EPB41: variants seen among roughly 807,000 people sequenced by gnomAD.
EPB41 encodes protein 4.1.
Under a neutral mutation model 108.0 loss-of-function variants are expected in EPB41, and 65 were observed. The observed-to-expected ratio is 0.60, with a 90% CI of 0.49 to 0.74. The LOEUF (loss-of-function observed/expected upper bound fraction) is 0.74. Ranked by LOEUF, EPB41 falls within the 30% of genes least tolerant of loss-of-function variation. The pLI is 0.00. For missense variants in EPB41, 875 were observed against 1,037.0 expected, an observed-to-expected ratio of 0.84 and a Z score of 2.15; for synonymous variants, 336 against 358.9, an observed-to-expected ratio of 0.94 and a Z score of 0.72.
intron 7 of EPB41, among the ~76,000 whole-genome samples, chr1:29,021,521 A>G (rs530154290): frequency 6.6e-6 from 1 of 152,240 alleles, no homozygotes; most frequent in Non-Finnish European, 1.5e-5. Flanking sequence ...CTGAAGCACA[A>G]CAGTTGTCTC....
chr1:29,116,152 T>C (rs1343978473), intron 20 of EPB41, among the ~76,000 whole-genome samples: 7 of 144,326 alleles, frequency 4.9e-5, no homozygotes, highest in African/African-American at 1.8e-4. Context: ...AGGTCTCTCT[T>C]TTTTTTTTTT....
chr1:29,056,164 G>A (rs1182089691), intron 12 of EPB41, among the ~76,000 whole-genome samples: 1 of 151,018 alleles, frequency 6.6e-6, no homozygotes, highest in African/African-American at 2.4e-5. Flanking sequence ...AACCCGGGAG[G>A]CGGAGCTTGC....
rs564313202 is a variant in EPB41, at chr1:29,095,771, C to CA, written c.2185-2023dup. ...TGGGTGACAGAGTGAGACCCTGTCT[C>CA]AAAAAAAAAAAAAGAATATATTTTG... On this transcript the variant is annotated intron_variant, in intron 16 of 20. Transcript: ENST00000343067. Among the ~76,000 whole-genome samples the CA allele has an allele frequency of 4.2e-3, 524 of 126,022 alleles. 3 individuals carry two copies. Among genetic ancestry groups the CA allele is most frequent in the Middle Eastern group, 0.026 (6 of 228 alleles). The allele number at this position is 126,022 out of a possible 152,430, so 82.7% of individuals were successfully genotyped here.
intron 16 of EPB41, among the ~76,000 whole-genome samples, chr1:29,088,426 C>G (rs554056990): frequency 6.6e-6 from 1 of 152,272 alleles, no homozygotes; most frequent in East Asian, 1.9e-4. Context: ...CATTAAGTCT[C>G]AGCTTTGCCT....
intron 1 of EPB41, among the ~76,000 whole-genome samples, chr1:28,951,580 G>A (rs1415638476): frequency 2.0e-5 from 3 of 152,190 alleles, no homozygotes; most frequent in Non-Finnish European, 4.4e-5. Context: ...CAGGCTGGGC[G>A]TGGTGGCTCA....
chr1:29,107,922 A>G (rs1334922943), intron 17 of EPB41, among the ~76,000 whole-genome samples: 2 of 140,882 alleles, frequency 1.4e-5, no homozygotes, highest in African/African-American at 2.7e-5. Context: ...CCAGCTACTC[A>G]GGAGGCTGAG....
chr1:28,946,665 C>G (rs1053601341), intron 1 of EPB41, among the ~76,000 whole-genome samples: 1 of 152,106 alleles, frequency 6.6e-6, no homozygotes, highest in African/African-American at 2.4e-5. Context: ...TTTTTCATTT[C>G]ATTGAAGTAG....
At chr1:28,942,951 C>T (rs1043107570) in intron 1 of EPB41, among the ~76,000 whole-genome samples, 1 of 152,164 alleles carries the variant, frequency 6.6e-6, no homozygotes, top group African/African-American at 2.4e-5. Flanking sequence ...ATCACAATAT[C>T]ATGTGAGGTA....
chr1:28,966,200 GA>G (rs951982612), intron 1 of EPB41, among the ~76,000 whole-genome samples: 5 of 150,834 alleles, frequency 3.3e-5, no homozygotes, highest in African/African-American at 1.2e-4. Flanking sequence ...AAAAAAAAAA[GA>G]AAAAATTATT....
chr1:28,973,089 G>A (rs1199895285), intron 1 of EPB41, among the ~76,000 whole-genome samples: 2 of 152,082 alleles, frequency 1.3e-5, no homozygotes, highest in Non-Finnish European at 2.9e-5. Context: ...TGTGGTTTTG[G>A]GGGATTGATT....
intron 1 of EPB41, among the ~76,000 whole-genome samples, chr1:28,904,169 T>A (rs977607322): frequency 7.5e-6 from 1 of 133,908 alleles, no homozygotes; most frequent in Non-Finnish European, 1.6e-5. Context: ...CCGGCCCAGC[T>A]TTTTTTTTTT....
intron 15 of EPB41, 135 bp from the exon 16 acceptor site, chr1:29,064,847 C>A: frequency 9.1e-7 from 1 of 1,100,040 alleles, no homozygotes; most frequent in Non-Finnish European, 1.3e-6. Flanking sequence ...TATTTATAAT[C>A]TGAATGCAGA....
At chr1:29,043,318 A>T (rs1326385250) in intron 11 of EPB41, among the ~76,000 whole-genome samples, 1 of 152,212 alleles carries the variant, frequency 6.6e-6, no homozygotes, top group East Asian at 1.9e-4. Flanking sequence ...GGCCATCTCA[A>T]AATCTGGGGA....
intron 1 of EPB41, among the ~76,000 whole-genome samples, chr1:28,959,557 T>C (rs1180090779): frequency 6.6e-6 from 1 of 152,100 alleles, no homozygotes; most frequent in African/African-American, 2.4e-5. Context: ...AACTGATGAA[T>C]AAAAGAGTGA....
At chr1:28,912,363 G>C (rs1323412004), upstream of EPB41, among the ~76,000 whole-genome samples, 1 of 152,108 alleles carries the variant, frequency 6.6e-6, no homozygotes, top group Non-Finnish European at 1.5e-5. Context: ...AGTGGAGGGT[G>C]TTTTAGATGG....
intron 1 of EPB41, among the ~76,000 whole-genome samples, chr1:28,890,569 G>A (rs899605804): frequency 6.6e-6 from 1 of 152,166 alleles, no homozygotes; most frequent in Admixed American, 6.5e-5. Context: ...CAAGATGAAG[G>A]CTGAGTATGA....
intron 7 of EPB41, among the ~76,000 whole-genome samples, chr1:29,024,362 G>A (rs2096688876): frequency 6.6e-6 from 1 of 150,992 alleles, no homozygotes; most frequent in Admixed American, 6.6e-5. Flanking sequence ...GGCCGAGCGT[G>A]GTGGCTCACA....
At chr1:29,059,825 G>A (rs1281661849) in intron 14 of EPB41, among the ~76,000 whole-genome samples, 2 of 152,110 alleles carry the variant, frequency 1.3e-5, no homozygotes, top group Non-Finnish European at 2.9e-5. Context: ...GTGTACAGCC[G>A]ACTTCTCTGT....
chr1:28,997,044 C>G (rs2096196625), intron 3 of EPB41, among the ~76,000 whole-genome samples, 171 bp from the exon 4 acceptor site: 1 of 152,012 alleles, frequency 6.6e-6, no homozygotes. Context: ...CCTAGCTACT[C>G]TGGAGGCTGA....
Sources: allele counts gnomAD v4.1 joint callset (sites outside exome capture counted in the v4.1 genomes callset), GRCh38; gene constraint gnomAD v4.1.1; transcripts MANE v1.5; gene names NCBI Gene and HGNC (gene_info 2026-07-23, HGNC 2026-07-21).